Variants in PRKG1 observed in about 807,000 individuals in gnomAD.
PRKG1 encodes the protein cGMP-dependent protein kinase 1.
Under a neutral mutation model 88.1 loss-of-function variants are expected in PRKG1, and 35 were observed. The ratio of observed to expected loss-of-function variants is 0.40; its 90% CI spans 0.30 to 0.53. The LOEUF is 0.53. Ranked by LOEUF, PRKG1 falls within the 20% of genes least tolerant of loss-of-function variation. The probability of loss-of-function intolerance (pLI) is 0.59; values close to 1 mark genes in which losing one functional copy is unlikely to be tolerated. For synonymous variants in PRKG1, 303 were observed against 292.5 expected, an observed-to-expected ratio of 1.04 and a Z score of -0.37; for missense variants, 540 against 839.8, an observed-to-expected ratio of 0.64 and a Z score of 4.41.
intron 5 of PRKG1, among the ~76,000 whole-genome samples, chr10:52,003,133 C>G (rs1019102435): frequency 6.6e-6 from 1 of 152,070 alleles, no homozygotes; most frequent in African/African-American, 2.4e-5. Context: ...TTTTTATGAC[C>G]AAACTACACT....
At chr10:51,262,684 G>A (rs1470039889) in intron 2 of PRKG1, among the ~76,000 whole-genome samples, 1 of 152,152 alleles carries the variant, frequency 6.6e-6, no homozygotes, top group Non-Finnish European at 1.5e-5. Flanking sequence ...AGGAAGCATG[G>A]CTTGGAGGCC....
chr10:51,766,469 C>T (rs963481928), intron 3 of PRKG1, among the ~76,000 whole-genome samples: 3 of 152,138 alleles, frequency 2.0e-5, no homozygotes, highest in African/African-American at 7.2e-5. Context: ...ATATCTTAGG[C>T]AAGACCTGCC....
chr10:51,539,372 G>A (rs935434838), intron 3 of PRKG1, among the ~76,000 whole-genome samples: 2 of 152,116 alleles, frequency 1.3e-5, no homozygotes, highest in East Asian at 3.9e-4. Flanking sequence ...TTAACAAAAA[G>A]CAATTGCAAG....
rs773421654 is a variant in PRKG1 at position 51,920,591 on chromosome 10, A to G, written c.762+13021A>G. Among the ~76,000 whole-genome samples, 98 of 152,254 alleles carry G rather than the reference A, an allele frequency of 6.4e-4. 1 individual carries two copies. In the Middle Eastern group the frequency reaches 0.024, roughly 37 times the overall value. On this transcript the variant is annotated intron_variant, in intron 5 of 17. Coordinates refer to ENST00000373980, the MANE Select transcript of PRKG1 (RefSeq NM_006258.4). The stretch of plus-strand genomic sequence containing the variant: ...CATATATGTGTGTGTTTATATATCT[A>G]TCTTTATATCGCCATATAATTATAA...
intron 3 of PRKG1, among the ~76,000 whole-genome samples, chr10:51,763,566 T>A (rs2132531947): frequency 6.9e-6 from 1 of 145,488 alleles, no homozygotes; most frequent in East Asian, 2.0e-4. Flanking sequence ...TTATATATTT[T>A]AAAACGATGT....
intron 3 of PRKG1, among the ~76,000 whole-genome samples, chr10:51,752,630 A>G (rs1421323891): frequency 6.6e-6 from 1 of 152,190 alleles, no homozygotes; most frequent in African/African-American, 2.4e-5. Flanking sequence ...GATGCAGATG[A>G]ACATTTAACC....
At chr10:51,424,899 T>C (rs991716742) in intron 2 of PRKG1, among the ~76,000 whole-genome samples, 1 of 152,174 alleles carries the variant, frequency 6.6e-6, no homozygotes, top group Non-Finnish European at 1.5e-5. Flanking sequence ...CAATTCTGTA[T>C]TACCATAAGG....
At chr10:52,042,024 A>G (rs1845765154) in intron 5 of PRKG1, among the ~76,000 whole-genome samples, 1 of 152,154 alleles carries the variant, frequency 6.6e-6, no homozygotes, top group African/African-American at 2.4e-5. Flanking sequence ...AGATCTCTAC[A>G]CTAAAAACTA....
chr10:51,745,676 G>A (rs987754926), intron 3 of PRKG1, among the ~76,000 whole-genome samples: 1 of 152,164 alleles, frequency 6.6e-6, no homozygotes, highest in African/African-American at 2.4e-5. Context: ...AGGAAGGAAT[G>A]CAAGTGATAG....
intron 3 of PRKG1, among the ~76,000 whole-genome samples, chr10:51,708,552 T>C (rs1841665934): frequency 3.9e-5 from 6 of 152,308 alleles, no homozygotes; most frequent in Admixed American, 2.6e-4. Flanking sequence ...CTTCGCTGCA[T>C]CTCTTTGTAC....
At chr10:51,994,084 C>T (rs1844376920) in intron 5 of PRKG1, among the ~76,000 whole-genome samples, 1 of 152,162 alleles carries the variant, frequency 6.6e-6, no homozygotes, top group South Asian at 2.1e-4. Context: ...TTGAGAGATA[C>T]ACAATTCTCA....
intron 6 of PRKG1, among the ~76,000 whole-genome samples, chr10:52,060,498 T>A (rs1158978016): frequency 1.3e-5 from 2 of 151,578 alleles, no homozygotes; most frequent in Non-Finnish European, 1.5e-5. Flanking sequence ...ATCAGTCCAA[T>A]AGAAAAATTG....
chr10:52,269,296 T>C (rs1841656872), intron 10 of PRKG1, among the ~76,000 whole-genome samples: 1 of 152,098 alleles, frequency 6.6e-6, no homozygotes, highest in African/African-American at 2.4e-5. Flanking sequence ...TTTTCACATT[T>C]GGTGTTTTAT....
chr10:51,137,340 G>C (rs1186329098), intron 1 of PRKG1, among the ~76,000 whole-genome samples: 1 of 152,084 alleles, frequency 6.6e-6, no homozygotes, highest in Non-Finnish European at 1.5e-5. Flanking sequence ...ATATATTTAA[G>C]CTATAAATAT....
chr10:51,170,958 T>C (rs1428859852), intron 2 of PRKG1, among the ~76,000 whole-genome samples: 1 of 152,052 alleles, frequency 6.6e-6, no homozygotes, highest in Non-Finnish European at 1.5e-5. Flanking sequence ...AGAATAAACT[T>C]TCTGGTACCA....
At chr10:51,411,193 G>T (rs955655254) in intron 2 of PRKG1, among the ~76,000 whole-genome samples, 1 of 152,078 alleles carries the variant, frequency 6.6e-6, no homozygotes, top group African/African-American at 2.4e-5. Flanking sequence ...TAGAGATGAG[G>T]TTTCACCATG....
At chr10:51,840,665 G>A (rs1486778830) in intron 4 of PRKG1, among the ~76,000 whole-genome samples, 1 of 152,056 alleles carries the variant, frequency 6.6e-6, no homozygotes, top group Non-Finnish European at 1.5e-5. Context: ...TTCTGCCTCA[G>A]TCTCCCAAGT....
intron 7 of PRKG1, among the ~76,000 whole-genome samples, chr10:52,106,844 G>A (rs929153698): frequency 6.6e-6 from 1 of 151,834 alleles, no homozygotes; most frequent in African/African-American, 2.4e-5. Flanking sequence ...CATAATGAGA[G>A]TGCCTTTATT....
At chr10:51,993,288 T>C (rs989222367) in intron 5 of PRKG1, among the ~76,000 whole-genome samples, 4 of 152,114 alleles carry the variant, frequency 2.6e-5, no homozygotes, top group South Asian at 2.1e-4. Flanking sequence ...CTCAGTAGTA[T>C]AGGCTATGTA....
Sources: gnomAD v4.1 joint callset for allele counts (sites outside exome capture counted in the v4.1 genomes callset) on GRCh38, gnomAD v4.1.1 for gene constraint, MANE v1.5 for transcripts, NCBI Gene and HGNC (gene_info 2026-07-23, HGNC 2026-07-21) for gene names.